Variants in RALGAPA1 observed in about 807,000 individuals in gnomAD.
The protein encoded by RALGAPA1 is Ral GTPase activating protein catalytic subunit alpha 1, also known as ral GTPase-activating protein subunit alpha-1.
Under a neutral mutation model 269.6 loss-of-function variants are expected in RALGAPA1, and 52 were observed. The observed-to-expected ratio is 0.19, with a 90% CI of 0.15 to 0.24. The LOEUF is 0.24. Among genes scored for constraint, RALGAPA1 ranks in the 10% least tolerant of loss-of-function variants. The pLI, the probability that RALGAPA1 is intolerant of heterozygous loss-of-function variation, is 1.00. For synonymous variants in RALGAPA1, 817 were observed against 1,008.3 expected (o/e 0.81, Z 3.60); for missense variants, 1,917 against 3,013.9 (o/e 0.64, Z 8.52).
Position 35,688,847 on chromosome 14 carries a change from G to A in RALGAPA1, c.3564C>T (p.Ser1188=). Residue 1188 remains serine, a synonymous_variant, in exon 18 of 42, where the codon AGC becomes AGT. Transcript: ENST00000680220. ...GGGTGTTGCTAGTGCTGCTATTGCT[G>A]CTACCACTACTAAAGCCACCGAGCT... ...LRKLGGFSSG[S]SNSSTSNTHT... 7.7e-7 allele frequency: 1 copy of A among 1,307,116 alleles called. No homozygotes were observed. Among genetic ancestry groups the A allele is most frequent in the Non-Finnish European group, 9.7e-7 (1 of 1,031,266 alleles). The allele number at this position is 1,307,116 out of a possible 1,614,324, so 81.0% of individuals were successfully genotyped here. A position where few individuals can be genotyped will look rare whatever the true frequency, so the allele number is the denominator to read the frequency against.
chr14:35,664,129 C>A (rs552669753), intron 27 of RALGAPA1, among the ~76,000 whole-genome samples: 1 of 152,134 alleles, frequency 6.6e-6, no homozygotes, highest in African/African-American at 2.4e-5. Context: ...GTAAGTTCCA[C>A]TGGCAACTGT....
intron 3 of RALGAPA1, among the ~76,000 whole-genome samples, chr14:35,773,744 C>T (rs1187161150): frequency 6.6e-6 from 1 of 152,028 alleles, no homozygotes; most frequent in South Asian, 2.1e-4. Context: ...GGGGTCACGA[C>T]TAATGAAAAT....
chr14:35,691,714 G>A (rs2066498598), intron 17 of RALGAPA1, among the ~76,000 whole-genome samples: 1 of 152,080 alleles, frequency 6.6e-6, no homozygotes, highest in Non-Finnish European at 1.5e-5. Flanking sequence ...ATTTGTATGA[G>A]GTCCAAATGG....
intron 4 of RALGAPA1, chr14:35,766,489 A>C: frequency 2.5e-5 from 35 of 1,389,098 alleles, no homozygotes; most frequent in Non-Finnish European, 3.4e-5. Context: ...TCCTTTTCTC[A>C]CATTACTTAT....
At chr14:35,563,020 C>CAAAAAAAAAAAAAAA (rs71445944) in intron 39 of RALGAPA1, among the ~76,000 whole-genome samples, 4 of 37,256 alleles carry the variant, frequency 1.1e-4, no homozygotes, top group East Asian at 1.7e-3. Context: ...GAGTCCGTCT[C>CAAAAAAAAAAAAAAA]AAAAAAAAAA....
chr14:35,623,338 T>TACAC (rs1008724678), intron 35 of RALGAPA1, among the ~76,000 whole-genome samples: 1 of 149,212 alleles, frequency 6.7e-6, no homozygotes, highest in Non-Finnish European at 1.5e-5. Flanking sequence ...CACACAGACA[T>TACAC]ACACACACAC....
In RALGAPA1 at chr14:35,692,110, A is replaced by G. The variant is rs919821036; in HGVS notation, c.2408-2107T>C. Among the ~76,000 whole-genome samples, 6 of 152,122 alleles carry G rather than the reference A, an allele frequency of 3.9e-5. No homozygotes were observed. The East Asian group carries it at 5.8e-4, about 15-fold the overall frequency. ...AGAGATCATAAGAACTTCTGCCTCA[A>G]TGACAGAGATTATATTCAGCATGCA... On this transcript the variant is annotated intron_variant, in intron 17 of 41. Transcript: ENST00000680220.
At chr14:35,578,593 C>A (rs556022449) in intron 37 of RALGAPA1, among the ~76,000 whole-genome samples, 8 of 152,340 alleles carry the variant, frequency 5.3e-5, no homozygotes, top group Admixed American at 5.2e-4. Context: ...ACAGGCACAG[C>A]ATCCAATACT....
At chr14:35,750,781 G>A in intron 8 of RALGAPA1, 91 bp from the exon 9 acceptor site, 1 of 1,080,820 alleles carries the variant, frequency 9.3e-7, no homozygotes, top group South Asian at 1.6e-5. Context: ...AGAAAATATT[G>A]TTATGCTACT....
At chr14:35,677,538 T>A (rs957534106) in intron 22 of RALGAPA1, 1 of 153,060 alleles carries the variant, frequency 6.5e-6, no homozygotes, top group Non-Finnish European at 1.5e-5. Context: ...ATAAAAAAAA[T>A]GGTTTGATAA....
chr14:35,650,217 C>T (rs2062726766), intron 31 of RALGAPA1, among the ~76,000 whole-genome samples: 1 of 151,770 alleles, frequency 6.6e-6, no homozygotes, highest in African/African-American at 2.4e-5. Context: ...CCCGACACAT[C>T]TCTACTAAAA....
At chr14:35,725,600 C>A (rs1388175373) in intron 13 of RALGAPA1, among the ~76,000 whole-genome samples, 2 of 151,826 alleles carry the variant, frequency 1.3e-5, no homozygotes, top group African/African-American at 4.8e-5. Context: ...TGTTGAGTAA[C>A]TACATATTGA....
intron 35 of RALGAPA1, among the ~76,000 whole-genome samples, chr14:35,612,517 C>T (rs1170535544): frequency 6.7e-6 from 1 of 149,458 alleles, no homozygotes; most frequent in Non-Finnish European, 1.5e-5. Context: ...TTACATTAGG[C>T]GAGGTCTTCT....
chr14:35,689,002 C>A lies in RALGAPA1; in HGVS notation c.3409G>T (p.Ala1137Ser). The change falls in exon 18 of 42, where the codon GCC (alanine) becomes TCC (serine). Residue 1137 changes from alanine (A) to serine (S), a missense_variant. Around this residue, in one of 11 missense-constraint regions of RALGAPA1, gnomAD observed 615 missense variants for 790.0 expected, o/e 0.78. Transcript: ENST00000680220. The part of the protein sequence containing the change: ...RSLSETVTHR[A>S]KIMKIATKKR... ...TTAGTAGCAATTTTCATGATTTTGG[C>A]TCTATGAGTTACTGTTTCAGACAAG... 1 of 1,236,788 alleles carries A rather than the reference C, an allele frequency of 8.1e-7. No homozygotes were observed. The highest frequency in any genetic ancestry group is 4.1e-5 in the South Asian group (1 of 24,678). The allele number at this position is 1,236,788 out of a possible 1,614,324, so 76.6% of individuals were successfully genotyped here.
intron 13 of RALGAPA1, among the ~76,000 whole-genome samples, chr14:35,726,251 A>G (rs2069901840): frequency 6.6e-6 from 1 of 152,184 alleles, no homozygotes; most frequent in Non-Finnish European, 1.5e-5. Flanking sequence ...AATATCCTGG[A>G]CGTATTAGCA....
At chr14:35,771,750 C>A (rs542095839) in intron 3 of RALGAPA1, among the ~76,000 whole-genome samples, 1 of 152,202 alleles carries the variant, frequency 6.6e-6, no homozygotes, top group East Asian at 1.9e-4. Flanking sequence ...TAGTGCATCA[C>A]AGCCTTAACT....
intron 37 of RALGAPA1, among the ~76,000 whole-genome samples, chr14:35,573,629 G>A (rs2057369496): frequency 1.3e-5 from 2 of 152,118 alleles, no homozygotes; most frequent in Admixed American, 1.3e-4. Context: ...CATAGGGTAG[G>A]AAAAAGAACT....
intron 12 of RALGAPA1, among the ~76,000 whole-genome samples, chr14:35,735,091 G>C (rs1012397928): frequency 6.6e-6 from 1 of 151,702 alleles, no homozygotes. Context: ...GGTCATCAGG[G>C]AACACTTTTA....
At chr14:35,655,535 G>A (rs2063122121) in intron 29 of RALGAPA1, among the ~76,000 whole-genome samples, 1 of 151,890 alleles carries the variant, frequency 6.6e-6, no homozygotes. Flanking sequence ...TGTTTTAAAT[G>A]GTGGGTTTCC....
Sources: gnomAD v4.1 joint callset for allele counts (sites outside exome capture counted in the v4.1 genomes callset) on GRCh38, gnomAD v4.1.1 for gene constraint, gnomAD v4.1.1 regional missense constraint, MANE v1.5 for transcripts, NCBI Gene and HGNC (gene_info 2026-07-23, HGNC 2026-07-21) for gene names.